Variants in PHACTR1 observed in about 807,000 individuals in gnomAD.
The protein encoded by PHACTR1 is RPEL repeat containing 1.
A neutral mutation model predicts 69.2 loss-of-function variants in PHACTR1; 16 were observed. The observed-to-expected ratio is 0.23, with a 90% CI of 0.16 to 0.35. The LOEUF (loss-of-function observed/expected upper bound fraction) is 0.35. Among genes scored for constraint, PHACTR1 ranks in the 10% least tolerant of loss-of-function variants. The pLI, the probability that PHACTR1 is intolerant of heterozygous loss-of-function variation, is 1.00. For synonymous variants in PHACTR1, 312 were observed against 284.5 expected (o/e 1.10, Z -0.97); for missense variants, 510 against 734.7 (o/e 0.69, Z 3.54).
At chr6:12,777,625 C>CTTTTTTTTTTTTTT (rs869096915) in intron 4 of PHACTR1, among the ~76,000 whole-genome samples, 5 of 99,008 alleles carry the variant, frequency 5.1e-5, no homozygotes, top group African/African-American at 7.7e-5. Context: ...CTTTCTTCTT[C>CTTTTTTTTTTTTTT]TTTTTTTTTT....
chr6:13,119,759 C>G (rs879401240), intron 5 of PHACTR1, among the ~76,000 whole-genome samples: 1 of 152,194 alleles, frequency 6.6e-6, no homozygotes, highest in Non-Finnish European at 1.5e-5. Context: ...AACAGCTCAC[C>G]TTCAGCTCCA....
intron 4 of PHACTR1, among the ~76,000 whole-genome samples, chr6:13,039,834 T>C (rs539688938): frequency 1.3e-5 from 2 of 152,368 alleles, no homozygotes; most frequent in Admixed American, 1.3e-4. Context: ...AAATGAAGTT[T>C]CTTTTCCTAT....
At chr6:13,244,499 T>G (rs1773313903) in intron 10 of PHACTR1, among the ~76,000 whole-genome samples, 1 of 152,316 alleles carries the variant, frequency 6.6e-6, no homozygotes, top group South Asian at 2.1e-4. Context: ...ACCCCTGCAG[T>G]CTCAACCATA....
At chr6:13,014,731 G>T (rs572939845) in intron 4 of PHACTR1, among the ~76,000 whole-genome samples, 3 of 152,304 alleles carry the variant, frequency 2.0e-5, no homozygotes, top group East Asian at 1.9e-4. Context: ...GTGGAGAGGT[G>T]GGGGAGGGGG....
chr6:12,824,286 C>A (rs543088739), intron 4 of PHACTR1, among the ~76,000 whole-genome samples: 1 of 152,092 alleles, frequency 6.6e-6, no homozygotes, highest in East Asian at 1.9e-4. Context: ...GCAAGCTCAG[C>A]GCCCTCACTG....
At chr6:12,870,555 G>A (rs1048979690) in intron 4 of PHACTR1, among the ~76,000 whole-genome samples, 1 of 152,144 alleles carries the variant, frequency 6.6e-6, no homozygotes, top group East Asian at 1.9e-4. Flanking sequence ...TATTTGAAGG[G>A]TCTGTGTCTC....
intron 5 of PHACTR1, among the ~76,000 whole-genome samples, chr6:13,059,675 G>T (rs1807395957): frequency 6.6e-6 from 1 of 152,150 alleles, no homozygotes; most frequent in Non-Finnish European, 1.5e-5. Context: ...TAAAAAAATG[G>T]TTTTAAAGTG....
rs142768061 is a variant in PHACTR1, at chr6:13,231,849, T to A, written c.1391+1656T>A. On this transcript the variant is annotated intron_variant, in intron 10 of 14. Transcript: ENST00000332995. ...TTTGTCTTTGAGCCTGTCTATAAGATACACCATTTGTATACCCATTTTACA... is the reference window on the plus strand; with the variant it reads ...TTTGTCTTTGAGCCTGTCTATAAGAAACACCATTTGTATACCCATTTTACA... 5.5e-3 allele frequency among the ~76,000 whole-genome samples: 831 copies of A among 152,370 alleles called. 9 individuals carry two copies. The highest frequency in any genetic ancestry group is 0.018 in the African/African-American group (742 of 41,582).
At chr6:12,854,350 G>C (rs563342352) in intron 4 of PHACTR1, among the ~76,000 whole-genome samples, 34 of 152,328 alleles carry the variant, frequency 2.2e-4, no homozygotes, top group African/African-American at 6.7e-4. Context: ...TCCCTCAGAT[G>C]TAGGGTAGTA....
chr6:12,806,236 T>G (rs1774315809), intron 4 of PHACTR1, among the ~76,000 whole-genome samples: 1 of 152,186 alleles, frequency 6.6e-6, no homozygotes, highest in Non-Finnish European at 1.5e-5. Flanking sequence ...ATCCTCTCAT[T>G]TAAATATATT....
chr6:12,966,848 A>G (rs1793567532), intron 4 of PHACTR1, among the ~76,000 whole-genome samples: 2 of 152,214 alleles, frequency 1.3e-5, no homozygotes, highest in East Asian at 1.9e-4. Context: ...TTTCACATTA[A>G]TGGAGCTACA....
At chr6:13,173,809 G>C (rs534331622) in intron 6 of PHACTR1, among the ~76,000 whole-genome samples, 1 of 152,210 alleles carries the variant, frequency 6.6e-6, no homozygotes, top group East Asian at 1.9e-4. Context: ...CCGGGGTTCA[G>C]GTGATTCTCC....
At chr6:13,000,106 C>T (rs934772294) in intron 4 of PHACTR1, among the ~76,000 whole-genome samples, 1 of 152,196 alleles carries the variant, frequency 6.6e-6, no homozygotes, top group Non-Finnish European at 1.5e-5. Flanking sequence ...TCCAAAATGG[C>T]ACCCTCACTG....
At chr6:13,141,804 C>T (rs1036227823) in intron 5 of PHACTR1, among the ~76,000 whole-genome samples, 1 of 149,020 alleles carries the variant, frequency 6.7e-6, no homozygotes, top group Non-Finnish European at 1.5e-5. Flanking sequence ...ATTCTCAAAC[C>T]TGCCACTTAA....
chr6:13,223,997 C>A (rs1176823675), intron 8 of PHACTR1, among the ~76,000 whole-genome samples: 2 of 151,788 alleles, frequency 1.3e-5, no homozygotes, highest in South Asian at 4.1e-4. Flanking sequence ...TAAAAAAAAC[C>A]CCTTAGTTAA....
chr6:13,140,749 C>G (rs1822307106), intron 5 of PHACTR1, among the ~76,000 whole-genome samples: 1 of 152,142 alleles, frequency 6.6e-6, no homozygotes, highest in African/African-American at 2.4e-5. Flanking sequence ...CTGAACTGTG[C>G]ACTTATAAAT....
chr6:13,069,016 A>G (rs1037614180), intron 5 of PHACTR1, among the ~76,000 whole-genome samples: 17 of 152,150 alleles, frequency 1.1e-4, no homozygotes, highest in Admixed American at 6.5e-5. Context: ...CAGGGAGAAT[A>G]TGGTCACCCT....
chr6:12,760,105 A>G (rs1561857332), intron 4 of PHACTR1, among the ~76,000 whole-genome samples: 1 of 152,212 alleles, frequency 6.6e-6, no homozygotes, highest in Non-Finnish European at 1.5e-5. Flanking sequence ...GAGGTCCATT[A>G]TGTTTCTCCT....
chr6:13,278,370 T>C (rs751256096), intron 12 of PHACTR1, 41 bp downstream of exon 12: 30 of 1,548,598 alleles, frequency 1.9e-5, no homozygotes, highest in South Asian at 3.5e-5. Flanking sequence ...CAGGAGAGGG[T>C]GGGCTGCCTG....
Sources: gnomAD v4.1 joint callset for allele counts (sites outside exome capture counted in the v4.1 genomes callset) on GRCh38, gnomAD v4.1.1 for gene constraint, MANE v1.5 for transcripts, NCBI Gene and HGNC (gene_info 2026-07-23, HGNC 2026-07-21) for gene names.